RRAS2: variants seen among roughly 807,000 people sequenced by gnomAD.
The protein encoded by RRAS2 is RAS related 2, also known as ras-related protein R-Ras2.
RRAS2 carries 7 observed loss-of-function variants against 27.6 expected under a neutral mutation model. That is an observed-to-expected ratio of 0.25 (90% CI 0.14 to 0.48). RRAS2 has a LOEUF of 0.48. RRAS2 is among the 20% of genes least tolerant of loss of function. RRAS2 has a pLI of 0.99. For missense variants in RRAS2, 178 were observed against 256.2 expected (o/e 0.69, Z 2.08); for synonymous variants, 86 against 90.9 (o/e 0.95, Z 0.31).
intron 1 of RRAS2, among the ~76,000 whole-genome samples, chr11:14,296,792 A>G (rs1203231711): frequency 6.6e-6 from 1 of 151,504 alleles, no homozygotes; most frequent in Non-Finnish European, 1.5e-5. Context: ...CTCTGATCAA[A>G]CCCTCCCAAC....
intron 1 of RRAS2, among the ~76,000 whole-genome samples, chr11:14,347,750 G>A (rs1429873968): frequency 3.9e-5 from 6 of 152,100 alleles, no homozygotes; most frequent in Admixed American, 1.3e-4. Context: ...CAGGAGTTCC[G>A]AGGGTGCAGT....
intron 1 of RRAS2, among the ~76,000 whole-genome samples, chr11:14,309,566 T>C (rs1847912344): frequency 6.6e-6 from 1 of 152,176 alleles, no homozygotes; most frequent in Admixed American, 6.5e-5. Context: ...CTGCATAAGA[T>C]AGCCAGAGAA....
chr11:14,306,176 G>A (rs1308124908), intron 1 of RRAS2, among the ~76,000 whole-genome samples: 3 of 151,812 alleles, frequency 2.0e-5, no homozygotes, highest in Admixed American at 6.6e-5. Context: ...CTTTTTGTGT[G>A]CTTATTGGCC....
chr11:14,316,585 T>A (rs782489006), intron 1 of RRAS2, among the ~76,000 whole-genome samples: 6 of 152,042 alleles, frequency 3.9e-5, no homozygotes, highest in Non-Finnish European at 5.9e-5. Context: ...ACCTACTAAA[T>A]AAATAAATAA....
intron 1 of RRAS2, among the ~76,000 whole-genome samples, chr11:14,334,290 T>G (rs1002490003): frequency 2.0e-5 from 3 of 150,342 alleles, no homozygotes; most frequent in Non-Finnish European, 4.4e-5. Flanking sequence ...TTTGTCCTGG[T>G]TTTTTTTTCC....
In RRAS2 at chr11:14,358,606, C is replaced by T. The variant is rs1849134182; in HGVS notation, c.108+157G>A. On this transcript the variant is annotated intron_variant, in intron 1 of 5. Coordinates refer to ENST00000256196, the MANE Select transcript of RRAS2 (RefSeq NM_012250.6). The surrounding 1 kb of genome is among the most constrained non-coding windows in gnomAD (Gnocchi z 5.1). ...GGAGCGCGACGCTGCGGCCGCAGGG[C>T]AGGAGCGTAGTCGGCCCCGCGCCCT... The T allele has an allele frequency of 1.0e-6, 1 of 983,678 alleles. No homozygotes were observed. Among genetic ancestry groups the T allele is most frequent in the Non-Finnish European group, 1.2e-6 (1 of 828,238 alleles). 60.9% of individuals were successfully genotyped at this position (983,678 alleles called of 1,614,324 possible). A position where few individuals can be genotyped will look rare whatever the true frequency, so the allele number is the denominator to read the frequency against.
At chr11:14,308,184 C>G (rs1554948383) in intron 1 of RRAS2, 1 of 378,538 alleles carries the variant, frequency 2.6e-6, no homozygotes, top group Non-Finnish European at 5.1e-6. Flanking sequence ...TGGAAAGATA[C>G]ACAAGAAACT....
chr11:14,313,700 G>C (rs1848031072), intron 1 of RRAS2, among the ~76,000 whole-genome samples: 1 of 152,174 alleles, frequency 6.6e-6, no homozygotes, highest in South Asian at 2.1e-4. Flanking sequence ...CCACAAGCAA[G>C]CCAAGGAGCA....
At chr11:14,316,861 T>C (rs935445005) in intron 1 of RRAS2, among the ~76,000 whole-genome samples, 1 of 152,138 alleles carries the variant, frequency 6.6e-6, no homozygotes, top group Non-Finnish European at 1.5e-5. Flanking sequence ...AAATGAGACA[T>C]TGGAAATAAC....
chr11:14,361,309 G>A (rs1849188701), upstream of RRAS2, among the ~76,000 whole-genome samples: 1 of 149,872 alleles, frequency 6.7e-6, no homozygotes, highest in African/African-American at 2.5e-5. Context: ...AAAAAAAAAT[G>A]TACTGGGATT....
chr11:14,333,372 G>A lies in RRAS2; in HGVS notation c.108+25391C>T, dbSNP rs191950171. Among the ~76,000 whole-genome samples the A allele has an allele frequency of 1.3e-4, 20 of 152,114 alleles. No homozygotes were observed. The East Asian group carries it at 3.7e-3, about 28-fold the overall frequency. On this transcript the variant is annotated intron_variant, in intron 1 of 5. Transcript: ENST00000256196. ...ATAAATAACACTAAACTATACTCTA[G>A]AAAACTACACCAATTATATTCCCTT... is the stretch of plus-strand genomic sequence containing the variant.
At chr11:14,283,343 G>T (rs1399061662) in intron 4 of RRAS2, among the ~76,000 whole-genome samples, 6 of 152,140 alleles carry the variant, frequency 3.9e-5, no homozygotes, top group African/African-American at 1.4e-4. Flanking sequence ...CTTTATATCT[G>T]TGTTCATGAG....
chr11:14,339,437 T>C (rs923583805), intron 1 of RRAS2, among the ~76,000 whole-genome samples: 2 of 152,224 alleles, frequency 1.3e-5, no homozygotes, highest in Non-Finnish European at 2.9e-5. Context: ...TTCTATTTTA[T>C]AAAATGAGAT....
chr11:14,294,766 C>T lies in RRAS2; in HGVS notation c.293G>A (p.Arg98Lys), dbSNP rs1847501983. 2 of 1,613,384 alleles carry T rather than the reference C, an allele frequency of 1.2e-6. No homozygotes were observed. Among genetic ancestry groups the T allele is most frequent in the East Asian group, 4.5e-5 (2 of 44,854 alleles). ...ATTCTAATATGGTACAAACCTGCCT[C>T]TATCTGTGACTGAAAAGACCAACAG... ...GFLLVFSVTD[R>K]GSFEEIYKFQ... The change falls in exon 3 of 6, where the codon AGA becomes AAA. Residue 98 changes from arginine (R) to lysine (K), a missense_variant. Arg to Lys is a conservative substitution (Grantham distance 26, BLOSUM62 2). Transcript: ENST00000256196.
intron 1 of RRAS2, among the ~76,000 whole-genome samples, chr11:14,340,020 G>A (rs1163828854): frequency 6.6e-6 from 1 of 151,594 alleles, no homozygotes; most frequent in East Asian, 2.0e-4. Context: ...TCAGGAGGCT[G>A]AGGTGGGAGG....
At chr11:14,297,631 G>A (rs927915486) in intron 1 of RRAS2, among the ~76,000 whole-genome samples, 3 of 151,992 alleles carry the variant, frequency 2.0e-5, no homozygotes, top group Non-Finnish European at 4.4e-5. Flanking sequence ...ATGTGGTGGT[G>A]TACACCTGTA....
chr11:14,336,342 A>G (rs1848589121), intron 1 of RRAS2, among the ~76,000 whole-genome samples: 1 of 152,230 alleles, frequency 6.6e-6, no homozygotes, highest in South Asian at 2.1e-4. Context: ...GCAGATTTCA[A>G]AAGAAAAACC....
chr11:14,330,486 T>A (rs1393159783), intron 1 of RRAS2, among the ~76,000 whole-genome samples: 3 of 152,176 alleles, frequency 2.0e-5, no homozygotes, highest in African/African-American at 7.2e-5. Context: ...CACTCCAGCC[T>A]GGAGGACAGA....
rs571299786 is a variant in RRAS2 at position 14,328,987 on chromosome 11, G to A, written c.108+29776C>T. 1.1e-3 allele frequency among the ~76,000 whole-genome samples: 59 copies of A among 53,882 alleles called. 1 individual carries two copies. The South Asian group carries it at 0.024, about 22-fold the overall frequency. 35.3% of individuals were successfully genotyped at this position (53,882 alleles called of 152,430 possible). ...CACATACACCAAATTTTATATATAT[G>A]TGTGTGTGTGTGTGTGTGTGTGTGT... On this transcript the variant is annotated intron_variant, in intron 1 of 5. Transcript: ENST00000256196.
Sources: gnomAD v4.1 joint callset for allele counts (sites outside exome capture counted in the v4.1 genomes callset) on GRCh38, gnomAD v4.1.1 for gene constraint, Gnocchi (gnomAD v3.1) non-coding constraint, MANE v1.5 for transcripts, NCBI Gene and HGNC (gene_info 2026-07-23, HGNC 2026-07-21) for gene names.